ZC3H12B: variants seen among roughly 807,000 people sequenced by gnomAD.
The protein encoded by ZC3H12B is zinc finger CCCH-type containing 12B.
ZC3H12B carries 7 observed loss-of-function variants against 43.9 expected under a neutral mutation model. The ratio of observed to expected loss-of-function variants is 0.16; its 90% CI spans 0.09 to 0.30. ZC3H12B has a LOEUF of 0.30. Among genes scored for constraint, ZC3H12B ranks in the 10% least tolerant of loss-of-function variants. The pLI is 1.00. For missense variants in ZC3H12B, 475 were observed against 670.2 expected, an observed-to-expected ratio of 0.71 and a Z score of 3.22; for synonymous variants, 222 against 241.7, an observed-to-expected ratio of 0.92 and a Z score of 0.76.
chrX:65,450,439 GTA>G (rs1212737389), intron 3 of ZC3H12B, among the ~76,000 whole-genome samples: 3 of 56,015 alleles, frequency 5.4e-5, no homozygotes, highest in African/African-American at 2.3e-4. Context: ...ATTTATATGT[GTA>G]TATATATACA....
chrX:65,468,650 A>ATTTTTTTTTTTTTTT (rs60716703), intron 3 of ZC3H12B, among the ~76,000 whole-genome samples: 2 of 74,938 alleles, frequency 2.7e-5, no homozygotes, highest in African/African-American at 1.2e-4. Flanking sequence ...TGCCCGGCTA[A>ATTTTTTTTTTTTTTT]TTTTTTTTTT....
chrX:65,467,990 G>A (rs887527899), intron 3 of ZC3H12B, among the ~76,000 whole-genome samples: 2 of 111,982 alleles, frequency 1.8e-5, no homozygotes, highest in African/African-American at 3.2e-5. Flanking sequence ...TGTTGTAGTT[G>A]CATTTGTTTT....
the ZC3H12B span, among the ~76,000 whole-genome samples, chrX:65,262,233 A>T: frequency 2.7e-5 from 3 of 111,230 alleles, no homozygotes; most frequent in African/African-American, 9.8e-5. Flanking sequence ...CATTCATTTG[A>T]CCTCAATTAT....
the ZC3H12B span, among the ~76,000 whole-genome samples, chrX:65,245,150 G>T: frequency 1.8e-5 from 2 of 111,584 alleles, no homozygotes; most frequent in Admixed American, 9.5e-5. Flanking sequence ...TAGAAGAAAT[G>T]GATAAATTCC....
At chrX:65,163,299 G>T in the ZC3H12B span, among the ~76,000 whole-genome samples, 303 of 111,426 alleles carry the variant, frequency 2.7e-3, no homozygotes, top group Non-Finnish European at 4.9e-3. Context: ...TGTCTTCAAC[G>T]CTGTCAGACA....
chrX:65,065,797 T>C, the ZC3H12B span, among the ~76,000 whole-genome samples: 208 of 110,560 alleles, frequency 1.9e-3, no homozygotes, highest in African/African-American at 6.5e-3. Context: ...ATAGATTTGG[T>C]CTTTTTACAT....
the ZC3H12B span, among the ~76,000 whole-genome samples, chrX:65,103,538 A>T: frequency 3.3e-4 from 37 of 112,207 alleles, no homozygotes; most frequent in African/African-American, 1.1e-3. Context: ...AGATTAAAGT[A>T]AAGACAGGCC....
chrX:65,073,027 G>T, the ZC3H12B span, among the ~76,000 whole-genome samples: 1 of 112,371 alleles, frequency 8.9e-6, no homozygotes, highest in African/African-American at 3.2e-5. Context: ...TCTGAGCCTA[G>T]TTTCACTCCA....
the ZC3H12B span, among the ~76,000 whole-genome samples, chrX:65,228,911 A>G: frequency 8.9e-6 from 1 of 112,218 alleles, no homozygotes; most frequent in Non-Finnish European, 1.9e-5. Context: ...AGAACATTCC[A>G]TGCTCATGGG....
the ZC3H12B span, among the ~76,000 whole-genome samples, chrX:65,056,970 C>G: frequency 2.9e-4 from 32 of 111,633 alleles, no homozygotes; most frequent in African/African-American, 1.0e-3. Context: ...TATTTTGAGC[C>G]TATGTGTGTC....
chrX:65,374,179 A>G (rs1453579498), intron 2 of ZC3H12B, among the ~76,000 whole-genome samples: 2 of 81,817 alleles, frequency 2.4e-5, no homozygotes, highest in South Asian at 5.5e-4. Context: ...TATATACACT[A>G]TATATAGTAT....
the ZC3H12B span, among the ~76,000 whole-genome samples, chrX:65,226,290 G>A: frequency 2.7e-5 from 3 of 111,007 alleles, no homozygotes; most frequent in Non-Finnish European, 5.7e-5. Flanking sequence ...AAGTGAAGGA[G>A]AAATAAAATC....
chrX:65,204,629 G>C, the ZC3H12B span, among the ~76,000 whole-genome samples: 1 of 111,230 alleles, frequency 9.0e-6, no homozygotes, highest in East Asian at 2.8e-4. Flanking sequence ...AATTAAGATG[G>C]GTAGACAACA....
At chrX:65,445,486 T>C (rs1245954714) in intron 3 of ZC3H12B, among the ~76,000 whole-genome samples, 7 of 112,417 alleles carry the variant, frequency 6.2e-5, no homozygotes, top group Non-Finnish European at 3.8e-5. Context: ...ACTTCCTTTA[T>C]TTTCCCCCAA....
At chrX:65,329,741 G>A in the ZC3H12B span, among the ~76,000 whole-genome samples, 5 of 111,405 alleles carry the variant, frequency 4.5e-5, no homozygotes, top group African/African-American at 1.6e-4. Flanking sequence ...GTGTAAGGAA[G>A]GGATCCAGTT....
the ZC3H12B span, among the ~76,000 whole-genome samples, chrX:65,117,424 A>C: frequency 9.0e-6 from 1 of 111,380 alleles, no homozygotes; most frequent in Non-Finnish European, 1.9e-5. Flanking sequence ...TTTTTCTCAT[A>C]AATTTGTTTA....
At chrX:65,281,144 C>T in the ZC3H12B span, among the ~76,000 whole-genome samples, 1 of 110,078 alleles carries the variant, frequency 9.1e-6, no homozygotes, top group Non-Finnish European at 1.9e-5. Flanking sequence ...ATAACCAAAA[C>T]AACATGGTAC....
chrX:65,126,202 A>G, the ZC3H12B span, among the ~76,000 whole-genome samples: 2 of 110,491 alleles, frequency 1.8e-5, no homozygotes, highest in African/African-American at 6.6e-5. Flanking sequence ...TTCTCTCAGC[A>G]TTTGTGTATC....
At chrX:65,084,531 G>A in the ZC3H12B span, among the ~76,000 whole-genome samples, 1 of 112,388 alleles carries the variant, frequency 8.9e-6, no homozygotes, top group Admixed American at 9.4e-5. Context: ...GATCATCAGA[G>A]AAATACAAAT....
Sources: allele counts gnomAD v4.1 joint callset (sites outside exome capture counted in the v4.1 genomes callset), GRCh38; gene constraint gnomAD v4.1.1; transcripts MANE v1.5; gene names NCBI Gene and HGNC (gene_info 2026-07-23, HGNC 2026-07-21).